The following CDH13 variants were observed in gnomAD, a reference collection of about 807,000 sequenced individuals.
The protein encoded by CDH13 is cadherin-13.
In CDH13, 24 loss-of-function variants were observed where a neutral mutation model predicts 63.8. The ratio of observed to expected loss-of-function variants is 0.38; its 90% CI spans 0.27 to 0.53. The LOEUF (loss-of-function observed/expected upper bound fraction) is 0.53, where lower values mean the gene tolerates loss of function less well. CDH13 is among the 20% of genes least tolerant of loss of function. CDH13 has a pLI of 0.85. For missense variants in CDH13, 1,049 were observed against 903.1 expected (o/e 1.16, Z -2.07); for synonymous variants, 503 against 355.3 (o/e 1.42, Z -4.67).
intron 3 of CDH13, among the ~76,000 whole-genome samples, chr16:83,089,470 C>T (rs2033786910): frequency 6.6e-6 from 1 of 152,210 alleles, no homozygotes; most frequent in African/African-American, 2.4e-5. Flanking sequence ...ATGCACCTGC[C>T]TTGCAGGCGT....
chr16:83,260,371 G>GAACAC (rs1478574764), intron 5 of CDH13, among the ~76,000 whole-genome samples: 38 of 152,294 alleles, frequency 2.5e-4, no homozygotes, highest in Admixed American at 2.1e-3. Context: ...AGTGGGGCTA[G>GAACAC]GTGTCCAGTG....
chr16:83,659,208 C>T (rs2150834525), intron 8 of CDH13, among the ~76,000 whole-genome samples: 1 of 144,280 alleles, frequency 6.9e-6, no homozygotes, highest in South Asian at 2.3e-4. Flanking sequence ...TCCTCACCAC[C>T]AGGTCCCATA....
intron 10 of CDH13, among the ~76,000 whole-genome samples, chr16:83,701,505 G>T (rs1345704156): frequency 1.3e-5 from 2 of 152,172 alleles, no homozygotes; most frequent in African/African-American, 4.8e-5. Context: ...GACTGAACAT[G>T]CTTTCGCCGT....
intron 1 of CDH13, among the ~76,000 whole-genome samples, chr16:82,777,603 C>G (rs549065260): frequency 6.6e-6 from 1 of 152,324 alleles, no homozygotes; most frequent in African/African-American, 2.4e-5. Context: ...CACCCCAAAA[C>G]TTAGCAGCTT....
chr16:83,766,779 G>A lies in CDH13; in HGVS notation c.1682-13189G>A, dbSNP rs1914418691. 3.3e-5 allele frequency among the ~76,000 whole-genome samples: 5 copies of A among 152,072 alleles called. No individual in the cohort carries two copies. In the South Asian group the frequency reaches 1.0e-3, roughly 32 times the overall value. Reference sequence around the variant, plus strand: ...CTTAATTGTAATCCCCACATGTCAAGGGCAGGACCAGGTGGAGGTAACTGA... The same window carrying A: ...CTTAATTGTAATCCCCACATGTCAAAGGCAGGACCAGGTGGAGGTAACTGA... On this transcript the variant is annotated intron_variant, in intron 11 of 13. Transcript: ENST00000567109.
chr16:82,908,539 C>G (rs938005409), intron 2 of CDH13, among the ~76,000 whole-genome samples: 9 of 152,198 alleles, frequency 5.9e-5, no homozygotes, highest in African/African-American at 1.2e-4. Context: ...AATTCAGAGT[C>G]TAGATACGAG....
chr16:83,167,200 T>TTA (rs1206432972), intron 4 of CDH13, among the ~76,000 whole-genome samples: 1 of 139,760 alleles, frequency 7.2e-6, no homozygotes, highest in East Asian at 2.1e-4. Context: ...AATGTAGTAT[T>TTA]AAAAAAAAAA....
chr16:83,119,925 A>G (rs747053414), intron 3 of CDH13, among the ~76,000 whole-genome samples: 8 of 152,248 alleles, frequency 5.3e-5, no homozygotes, highest in Non-Finnish European at 1.2e-4. Flanking sequence ...ACAGGCAAAG[A>G]TAGAAGCAGA....
intron 7 of CDH13, among the ~76,000 whole-genome samples, chr16:83,489,170 T>C (rs760678186): frequency 3.3e-5 from 5 of 152,248 alleles, no homozygotes; most frequent in Non-Finnish European, 5.9e-5. Context: ...AGTCTCTATT[T>C]ATAAATCAAA....
intron 3 of CDH13, among the ~76,000 whole-genome samples, chr16:83,052,664 C>A (rs1159073710): frequency 3.3e-5 from 5 of 150,934 alleles, no homozygotes; most frequent in Admixed American, 2.0e-4. Flanking sequence ...CCTTTAATCC[C>A]AGCTACTCGG....
intron 3 of CDH13, among the ~76,000 whole-genome samples, chr16:83,105,731 C>T (rs997854744): frequency 1.3e-5 from 2 of 152,050 alleles, no homozygotes; most frequent in East Asian, 1.9e-4. Context: ...TGATAGAAAC[C>T]ACCCCCAAAT....
intron 13 of CDH13, among the ~76,000 whole-genome samples, chr16:83,790,710 T>G (rs767246908): frequency 3.9e-5 from 6 of 152,066 alleles, no homozygotes; most frequent in Non-Finnish European, 7.4e-5. Context: ...GCCCGGTTGT[T>G]GTAGTATAAA....
intron 7 of CDH13, among the ~76,000 whole-genome samples, chr16:83,519,725 G>A (rs568984020): frequency 6.6e-6 from 1 of 152,306 alleles, no homozygotes; most frequent in East Asian, 1.9e-4. Flanking sequence ...CTAGGGCAAT[G>A]GTGCGGGGAG....
intron 7 of CDH13, among the ~76,000 whole-genome samples, chr16:83,569,973 G>T (rs1904422277): frequency 6.6e-6 from 1 of 152,132 alleles, no homozygotes. Flanking sequence ...CTGACCTCGT[G>T]ATCTTCCTGC....
intron 5 of CDH13, among the ~76,000 whole-genome samples, chr16:83,235,503 G>T (rs542071109): frequency 3.3e-5 from 5 of 151,618 alleles, no homozygotes; most frequent in African/African-American, 9.7e-5. Flanking sequence ...CTCCTACCCC[G>T]ACCCAAAATC....
intron 10 of CDH13, among the ~76,000 whole-genome samples, chr16:83,728,544 T>C (rs1269045001): frequency 6.6e-6 from 1 of 152,098 alleles, no homozygotes; most frequent in Non-Finnish European, 1.5e-5. Context: ...TCTTTGTAAT[T>C]TACCCACTCA....
intron 8 of CDH13, among the ~76,000 whole-genome samples, chr16:83,643,297 A>G (rs868642514): frequency 1.9e-5 from 1 of 52,816 alleles, no homozygotes; most frequent in Middle Eastern, 9.8e-3. Flanking sequence ...AAAAAAAAAA[A>G]AAAAGAAAAA....
intron 7 of CDH13, among the ~76,000 whole-genome samples, chr16:83,499,051 G>C (rs2074212678): frequency 6.6e-6 from 1 of 152,210 alleles, no homozygotes. Context: ...GAAGTTTCTT[G>C]TGATCAAATA....
At chr16:82,883,961 C>A (rs188350743) in intron 2 of CDH13, among the ~76,000 whole-genome samples, 1 of 152,154 alleles carries the variant, frequency 6.6e-6, no homozygotes. Flanking sequence ...CTCCTAGTAC[C>A]TCAGTTTCCT....
Sources: gnomAD v4.1 joint callset for allele counts (sites outside exome capture counted in the v4.1 genomes callset) on GRCh38, gnomAD v4.1.1 for gene constraint, MANE v1.5 for transcripts, NCBI Gene and HGNC (gene_info 2026-07-23, HGNC 2026-07-21) for gene names.